Variants in ZBTB20 observed in about 807,000 individuals in gnomAD.
ZBTB20 encodes zinc finger and BTB domain containing 20.
Under a neutral mutation model 56.9 loss-of-function variants are expected in ZBTB20, and 9 were observed. The ratio of observed to expected loss-of-function variants is 0.16; its 90% CI spans 0.10 to 0.28. ZBTB20 has a LOEUF of 0.28. ZBTB20 is among the 10% of genes least tolerant of loss of function. ZBTB20 has a pLI of 1.00. For synonymous variants in ZBTB20, 417 were observed against 420.7 expected (o/e 0.99, Z 0.11); for missense variants, 655 against 1,003.0 (o/e 0.65, Z 4.69).
intron 2 of ZBTB20, among the ~76,000 whole-genome samples, chr3:114,983,352 C>T (rs909426995): frequency 2.6e-5 from 4 of 151,876 alleles, no homozygotes; most frequent in African/African-American, 9.7e-5. Context: ...TCATAGTGAA[C>T]TCAAATTAAT....
rs2079465891 is a variant in ZBTB20, at chr3:114,336,664, T to A, written c.*2341A>T. 6.6e-6 allele frequency: 1 copy of A among 152,180 alleles called. No homozygotes were observed. Among genetic ancestry groups the A allele is most frequent in the Non-Finnish European group, 1.5e-5 (1 of 68,018 alleles). 9.4% of individuals were successfully genotyped at this position (152,180 alleles called of 1,614,324 possible). A position where few individuals can be genotyped will look rare whatever the true frequency, so the allele number is the denominator to read the frequency against. On this transcript the variant is annotated 3_prime_UTR_variant, in exon 12 of 12. Coordinates refer to ENST00000675478, the MANE Select transcript of ZBTB20 (RefSeq NM_001348800.3). ...TAACCAAATGTCTAAAATATATGAA[T>A]AAAACCAATTTAGTCATTACAGAGT...
At chr3:114,822,499 A>G (rs1004719727) in intron 4 of ZBTB20, among the ~76,000 whole-genome samples, 1 of 152,110 alleles carries the variant, frequency 6.6e-6, no homozygotes, top group Non-Finnish European at 1.5e-5. Context: ...TGATACAATG[A>G]TAAGACCTTA....
chr3:114,964,217 C>T (rs1020640399), intron 3 of ZBTB20, among the ~76,000 whole-genome samples: 6 of 152,064 alleles, frequency 3.9e-5, no homozygotes, highest in African/African-American at 1.4e-4. Flanking sequence ...GAGTTCAAAA[C>T]CAGCCTGGTC....
intron 5 of ZBTB20, among the ~76,000 whole-genome samples, chr3:114,786,255 CTA>C (rs2070480015): frequency 6.6e-6 from 1 of 152,098 alleles, no homozygotes; most frequent in Admixed American, 6.6e-5. Flanking sequence ...AACCTGTCAT[CTA>C]CATCAGGTAT....
intron 6 of ZBTB20, among the ~76,000 whole-genome samples, chr3:114,561,858 A>C (rs1317965028): frequency 6.6e-6 from 1 of 152,056 alleles, no homozygotes; most frequent in African/African-American, 2.4e-5. Flanking sequence ...AATAGCTATA[A>C]AAACCCTAAA....
In ZBTB20 at chr3:114,333,930, C is replaced by G. The variant is rs1356401087; in HGVS notation, c.*5075G>C. ...TCTCTGCCCTAGAGCTTCCATTACC[C>G]TGGACTTCAACTCATTACCAAATTA... On this transcript the variant is annotated 3_prime_UTR_variant, in exon 12 of 12. Coordinates refer to ENST00000675478, the MANE Select transcript of ZBTB20 (RefSeq NM_001348800.3). 6.6e-6 allele frequency: 1 copy of G among 152,162 alleles called. No individual in the cohort carries two copies. Among genetic ancestry groups the G allele is most frequent in the Non-Finnish European group, 1.5e-5 (1 of 68,030 alleles). 9.4% of individuals were successfully genotyped at this position (152,162 alleles called of 1,614,324 possible). A position where few individuals can be genotyped will look rare whatever the true frequency, so the allele number is the denominator to read the frequency against.
intron 4 of ZBTB20, among the ~76,000 whole-genome samples, chr3:114,819,477 G>A (rs928898614): frequency 2.0e-5 from 3 of 151,726 alleles, no homozygotes; most frequent in Admixed American, 1.3e-4. Flanking sequence ...ATATAGAACC[G>A]GTGAAAGAAC....
At chr3:115,062,365 T>C (rs1341251243) in intron 2 of ZBTB20, among the ~76,000 whole-genome samples, 1 of 152,134 alleles carries the variant, frequency 6.6e-6, no homozygotes. Flanking sequence ...TTGAGACAAA[T>C]CATGTTCTTT....
chr3:114,532,298 G>T (rs893796992), intron 6 of ZBTB20, among the ~76,000 whole-genome samples: 2 of 152,128 alleles, frequency 1.3e-5, no homozygotes, highest in Non-Finnish European at 2.9e-5. Flanking sequence ...CAAGCTTGGT[G>T]GGGGGAGGGG....
In ZBTB20 at chr3:114,549,107, G is replaced by A. The variant is rs1521264; in HGVS notation, c.-294-48716C>T. Among the ~76,000 whole-genome samples the A allele has an allele frequency of 6.4e-3, 969 of 152,158 alleles. 14 individuals carry two copies. Among genetic ancestry groups the A allele is most frequent in the Admixed American group, 0.028 (432 of 15,294 alleles). The stretch of plus-strand genomic sequence containing the variant: ...CAATTCTATAGCTATTCTATATAAC[G>A]GCAGATGCTCCTCTTATTCCAGGAA... On this transcript the variant is annotated intron_variant, in intron 6 of 11. Coordinates refer to ENST00000675478, the MANE Select transcript of ZBTB20 (RefSeq NM_001348800.3).
At chr3:114,466,232 C>A (rs920810989) in intron 7 of ZBTB20, among the ~76,000 whole-genome samples, 25 of 151,966 alleles carry the variant, frequency 1.6e-4, no homozygotes, top group African/African-American at 5.8e-4. Flanking sequence ...AATAGTCAAC[C>A]CTCACTAACA....
At chr3:114,615,271 C>G (rs143785413) in intron 6 of ZBTB20, among the ~76,000 whole-genome samples, 354 of 152,294 alleles carry the variant, frequency 2.3e-3, no homozygotes, top group Non-Finnish European at 3.8e-3. Context: ...AAGCATTCAA[C>G]TCCAATATGA....
intron 6 of ZBTB20, among the ~76,000 whole-genome samples, chr3:114,660,132 A>G (rs2060639207): frequency 6.6e-6 from 1 of 152,160 alleles, no homozygotes. Context: ...ATAAATAAAG[A>G]ACTCCAACTT....
intron 2 of ZBTB20, chr3:115,027,670 A>G (rs2080481056): frequency 6.6e-6 from 1 of 151,066 alleles, no homozygotes; most frequent in Admixed American, 6.6e-5. Flanking sequence ...ACAATGCATA[A>G]ATATACAAAA....
At chr3:114,387,678 ACT>A (rs2085315413) in intron 8 of ZBTB20, 1 of 152,172 alleles carries the variant, frequency 6.6e-6, no homozygotes, top group Non-Finnish European at 1.5e-5. Flanking sequence ...CAGCATAGTT[ACT>A]CTGTGATGAA....
At chr3:114,820,684 C>T (rs940107903) in intron 4 of ZBTB20, among the ~76,000 whole-genome samples, 3 of 152,050 alleles carry the variant, frequency 2.0e-5, no homozygotes, top group Non-Finnish European at 4.4e-5. Flanking sequence ...TTACTGTGCT[C>T]TTTAATCTGT....
chr3:114,785,877 A>G (rs954747810), intron 5 of ZBTB20, among the ~76,000 whole-genome samples: 5 of 152,196 alleles, frequency 3.3e-5, no homozygotes, highest in Admixed American at 2.0e-4. Context: ...TTTGATCACC[A>G]TAAGTTATTC....
intron 3 of ZBTB20, among the ~76,000 whole-genome samples, chr3:114,967,678 T>C (rs1698419965): frequency 6.9e-6 from 1 of 145,184 alleles, no homozygotes; most frequent in Admixed American, 6.8e-5. Context: ...TGATCTCGGC[T>C]GGTCGCAGTG....
intron 6 of ZBTB20, among the ~76,000 whole-genome samples, chr3:114,560,001 G>GA (rs1559960375): frequency 6.6e-6 from 1 of 151,930 alleles, no homozygotes; most frequent in Non-Finnish European, 1.5e-5. Flanking sequence ...CAGACAATAT[G>GA]AAAAAAATAT....
Sources: allele counts gnomAD v4.1 joint callset (sites outside exome capture counted in the v4.1 genomes callset), GRCh38; gene constraint gnomAD v4.1.1; transcripts MANE v1.5; gene names NCBI Gene and HGNC (gene_info 2026-07-23, HGNC 2026-07-21).